LNPK: variants seen among roughly 807,000 people sequenced by gnomAD.
LNPK encodes endoplasmic reticulum junction formation protein lunapark.
In LNPK, 29 loss-of-function variants were observed where a neutral mutation model predicts 55.2. That is an observed-to-expected ratio of 0.53 (90% CI 0.39 to 0.72). The LOEUF (loss-of-function observed/expected upper bound fraction) is 0.72. LNPK is among the 30% of genes least tolerant of loss of function. The pLI, the probability that LNPK is intolerant of heterozygous loss-of-function variation, is 0.00. For synonymous variants in LNPK, 162 were observed against 168.2 expected (o/e 0.96, Z 0.29); for missense variants, 467 against 494.8 (o/e 0.94, Z 0.53).
chr2:175,960,194 C>A (rs1685939722), intron 8 of LNPK, among the ~76,000 whole-genome samples: 1 of 152,194 alleles, frequency 6.6e-6, no homozygotes, highest in Non-Finnish European at 1.5e-5. Flanking sequence ...GAACTCAGCT[C>A]TGCACCAAGC....
rs1684074934 is a variant in LNPK at position 175,927,757 on chromosome 2, T to TA, written c.*2209dup. The TA allele has an allele frequency of 1.9e-5, 2 of 107,354 alleles. No individual in the cohort carries two copies. Among genetic ancestry groups the TA allele is most frequent in the Non-Finnish European group, 4.0e-5 (2 of 49,970 alleles). 6.7% of individuals were successfully genotyped at this position (107,354 alleles called of 1,614,324 possible). A position where few individuals can be genotyped will look rare whatever the true frequency, so the allele number is the denominator to read the frequency against. On this transcript the variant is annotated 3_prime_UTR_variant, in exon 13 of 13. Coordinates refer to ENST00000272748, the MANE Select transcript of LNPK (RefSeq NM_030650.3). Reference sequence around the variant, plus strand: ...AATAATCAGAAATAGGACATTTTACTAAGTTTCAACCATTAACTGTTTATT... The same window carrying TA: ...AATAATCAGAAATAGGACATTTTACTAAAGTTTCAACCATTAACTGTTTATT...
chr2:175,965,772 G>A (rs1438353716), intron 6 of LNPK, among the ~76,000 whole-genome samples: 1 of 149,332 alleles, frequency 6.7e-6, no homozygotes, highest in African/African-American at 2.5e-5. Flanking sequence ...TGATGTAAAG[G>A]AGATGTTTAT....
At chr2:175,990,775 A>G (rs1687666870) in intron 4 of LNPK, among the ~76,000 whole-genome samples, 1 of 152,164 alleles carries the variant, frequency 6.6e-6, no homozygotes, top group East Asian at 1.9e-4. Flanking sequence ...ACTGAAATAG[A>G]AGCTACAACA....
In LNPK at chr2:175,937,000, G is replaced by A. The variant is rs531166866; in HGVS notation, c.1054+344C>T. On this transcript the variant is annotated intron_variant, in intron 12 of 12. Coordinates refer to ENST00000272748, the MANE Select transcript of LNPK (RefSeq NM_030650.3). ...AATCTTGTATTTTATCCTTTGAACAGTTGTTTCATAATTCCAATAATCTGT... is the reference window on the plus strand; with the variant it reads ...AATCTTGTATTTTATCCTTTGAACAATTGTTTCATAATTCCAATAATCTGT... Among the ~76,000 whole-genome samples the A allele has an allele frequency of 5.3e-5, 8 of 152,136 alleles. No individual in the cohort carries two copies. The South Asian group carries it at 1.7e-3, about 32-fold the overall frequency.
intron 12 of LNPK, chr2:175,932,000 C>T (rs2105512303): frequency 3.1e-6 from 1 of 327,558 alleles, no homozygotes; most frequent in South Asian, 2.6e-5. Context: ...TTCACAATTT[C>T]TTATAGTTTA....
At chr2:175,946,058 C>G (rs1385444757) in intron 9 of LNPK, among the ~76,000 whole-genome samples, 1 of 152,098 alleles carries the variant, frequency 6.6e-6, no homozygotes, top group Non-Finnish European at 1.5e-5. Context: ...TGACAATGTA[C>G]AATTTAAACA....
chr2:175,933,731 G>GTT (rs34348423), intron 12 of LNPK, among the ~76,000 whole-genome samples: 15,553 of 121,716 alleles, frequency 0.13, 1,649 homozygotes, highest in Non-Finnish European at 0.17. Flanking sequence ...CAAGTTAAGG[G>GTT]TTTTTTTTTT....
chr2:175,968,811 C>G (rs924408469), intron 6 of LNPK, among the ~76,000 whole-genome samples: 2 of 151,914 alleles, frequency 1.3e-5, no homozygotes, highest in Non-Finnish European at 2.9e-5. Flanking sequence ...AATAAAATAT[C>G]AAGTAGTGAC....
chr2:175,967,656 C>T, intron 6 of LNPK: 6 of 984,748 alleles, frequency 6.1e-6, no homozygotes, highest in Non-Finnish European at 7.2e-6. Context: ...GCTGAAAATA[C>T]TGTCTGGTAT....
intron 1 of LNPK, among the ~76,000 whole-genome samples, chr2:175,999,413 TA>T (rs994990756): frequency 2.0e-5 from 3 of 152,168 alleles, no homozygotes; most frequent in Non-Finnish European, 4.4e-5. Flanking sequence ...AGGACCCCCT[TA>T]AATGTTGAAA....
intron 12 of LNPK, among the ~76,000 whole-genome samples, chr2:175,936,107 G>A (rs936511757): frequency 6.6e-6 from 1 of 152,120 alleles, no homozygotes; most frequent in Non-Finnish European, 1.5e-5. Flanking sequence ...CTCAGAGCAC[G>A]ACTTAAGCAA....
Position 175,930,143 on chromosome 2 carries a change from G to GT in LNPK, c.1110dup (p.Pro371ThrfsTer11), listed in dbSNP as rs769221532. On this transcript the variant is annotated frameshift_variant, in exon 13 of 13. Transcript: ENST00000272748. LOFTEE classifies it high-confidence loss of function. ...ACTTGGTTTGTCTGTTCTGTAGCTG[G>GT]TATTTTGTCATCTGTCTGCTCTGTA... The GT allele has an allele frequency of 6.2e-7, 1 of 1,613,156 alleles. No homozygotes were observed. Among genetic ancestry groups the GT allele is most frequent in the Non-Finnish European group, 8.5e-7 (1 of 1,179,302 alleles).
rs369145643 is a variant in LNPK at position 175,972,042 on chromosome 2, C to T, written c.317-1238G>A. Among the ~76,000 whole-genome samples, 18 of 152,100 alleles carry T rather than the reference C, an allele frequency of 1.2e-4. No homozygotes were observed. In the East Asian group the frequency reaches 2.9e-3, roughly 25 times the overall value. ...CAAGCAATTCTTATACCTCAGTCTC[C>T]CAAGCTGGAATTACAGGCGTGTACC... is the stretch of plus-strand genomic sequence containing the variant. On this transcript the variant is annotated intron_variant, in intron 5 of 12. Transcript: ENST00000272748.
At position 175,926,188 on chromosome 2, in the gene LNPK, A is replaced by C. The variant is rs943708606; in HGVS notation, c.*3779T>G. 1 of 152,152 alleles carries C rather than the reference A, an allele frequency of 6.6e-6. No individual in the cohort carries two copies. The highest frequency in any genetic ancestry group is 2.4e-5 in the African/African-American group (1 of 41,418). The allele number at this position is 152,152 out of a possible 1,614,324, so 9.4% of individuals were successfully genotyped here. ...TTCCACTTACCAGGTATACAATTTT[A>C]AGCAAAGTTGCTTCCTGCTATGGTT... On this transcript the variant is annotated 3_prime_UTR_variant, in exon 13 of 13. Transcript: ENST00000272748.
At chr2:176,000,118 C>A (rs1688106453) in intron 1 of LNPK, among the ~76,000 whole-genome samples, 1 of 152,188 alleles carries the variant, frequency 6.6e-6, no homozygotes, top group Non-Finnish European at 1.5e-5. Flanking sequence ...ATGTTTTCTA[C>A]TAATGGCTAT....
rs767330282 is a variant in LNPK at position 175,925,665 on chromosome 2, C to CTTTTTTT, written c.*4301_*4302insAAAAAAA. 1 of 145,460 alleles carries CTTTTTTT rather than the reference C, an allele frequency of 6.9e-6. No homozygotes were observed. Among genetic ancestry groups the CTTTTTTT allele is most frequent in the Non-Finnish European group, 1.5e-5 (1 of 67,752 alleles). The allele number at this position is 145,460 out of a possible 1,614,324, so 9.0% of individuals were successfully genotyped here. On this transcript the variant is annotated 3_prime_UTR_variant, in exon 13 of 13. Transcript: ENST00000272748. ...ATGGCGTGGCAGATTCATTTTCTTT[C>CTTTTTTT]TTTCTTTTTTTTTTTTGAGATGGAG...
Position 175,929,366 on chromosome 2 carries a change from G to C in LNPK, c.*601C>G, listed in dbSNP as rs1684155973. On this transcript the variant is annotated 3_prime_UTR_variant, in exon 13 of 13. Transcript: ENST00000272748. Reference sequence around the variant, plus strand: ...TTGACTGTTTCATTGCATTCTCACTGAGAATTCGTACCAGTGCCAACGTAG... The same window carrying C: ...TTGACTGTTTCATTGCATTCTCACTCAGAATTCGTACCAGTGCCAACGTAG... 1.0e-6 allele frequency: 1 copy of C among 985,586 alleles called. No individual in the cohort carries two copies. The highest frequency in any genetic ancestry group is 4.7e-5 in the South Asian group (1 of 21,262). 61.1% of individuals were successfully genotyped at this position (985,586 alleles called of 1,614,324 possible).
chr2:175,984,987 T>A (rs2105698571), intron 4 of LNPK, among the ~76,000 whole-genome samples: 1 of 152,340 alleles, frequency 6.6e-6, no homozygotes, highest in East Asian at 1.9e-4. Context: ...ATAGTTAAAC[T>A]ATGATACATT....
intron 9 of LNPK, among the ~76,000 whole-genome samples, chr2:175,940,264 G>A (rs146098804): frequency 1.0e-3 from 153 of 151,864 alleles, no homozygotes; most frequent in African/African-American, 3.3e-3. Flanking sequence ...CAGTTGAGGA[G>A]ACAAAGCCAG....
Sources: allele counts gnomAD v4.1 joint callset (sites outside exome capture counted in the v4.1 genomes callset), GRCh38; gene constraint gnomAD v4.1.1; transcripts MANE v1.5; gene names NCBI Gene and HGNC (gene_info 2026-07-23, HGNC 2026-07-21).